The following RAB1A variants were observed in gnomAD, a reference collection of about 807,000 sequenced individuals.
The protein encoded by RAB1A is RAB1A, member RAS oncogene family.
A neutral mutation model predicts 26.0 loss-of-function variants in RAB1A; 2 were observed. The ratio of observed to expected loss-of-function variants is 0.08; its 90% CI spans 0.03 to 0.24. The LOEUF (loss-of-function observed/expected upper bound fraction) is 0.24, where lower values mean the gene tolerates loss of function less well. Among genes scored for constraint, RAB1A ranks in the 10% least tolerant of loss-of-function variants. The pLI is 1.00. For synonymous variants in RAB1A, 84 were observed against 84.9 expected, an observed-to-expected ratio of 0.99 and a Z score of 0.06; for missense variants, 100 against 247.0, an observed-to-expected ratio of 0.40 and a Z score of 3.99.
intron 1 of RAB1A, among the ~76,000 whole-genome samples, chr2:65,114,864 C>CCA (rs1669789243): frequency 6.8e-6 from 1 of 146,792 alleles, no homozygotes; most frequent in African/African-American, 2.6e-5. Flanking sequence ...AAAAAAAAAA[C>CCA]AAAAAAAAAA....
intron 1 of RAB1A, among the ~76,000 whole-genome samples, chr2:65,118,865 G>A (rs770437602): frequency 2.0e-5 from 3 of 152,142 alleles, no homozygotes; most frequent in South Asian, 2.1e-4. Flanking sequence ...CAACCACAAG[G>A]AAGATTTGGG....
At chr2:65,090,256 A>G (rs554405030) in intron 4 of RAB1A, among the ~76,000 whole-genome samples, 1 of 152,278 alleles carries the variant, frequency 6.6e-6, no homozygotes, top group African/African-American at 2.4e-5. Context: ...GTTATCTCCT[A>G]ATTAGCTATG....
At chr2:65,108,933 T>C (rs1473909412) in intron 1 of RAB1A, among the ~76,000 whole-genome samples, 1 of 152,188 alleles carries the variant, frequency 6.6e-6, no homozygotes, top group African/African-American at 2.4e-5. Context: ...CTACTGGTTC[T>C]CTCGCAAACC....
rs185671059 is a variant in RAB1A, at chr2:65,114,081, T to C, written c.24-9275A>G. The C allele has an allele frequency of 3.5e-4, 147 of 420,844 alleles. 3 individuals are homozygous for C. In the Middle Eastern group the frequency reaches 6.1e-3, roughly 17 times the overall value. 26.1% of individuals were successfully genotyped at this position (420,844 alleles called of 1,614,324 possible). On this transcript the variant is annotated intron_variant, in intron 1 of 5. Coordinates refer to ENST00000409784, the MANE Select transcript of RAB1A (RefSeq NM_004161.5). ...TAAGTAGGTAGAGTAGGTCAGGTTG[T>C]AAACAGACAGCAATGGCATACTCCC...
intron 1 of RAB1A, among the ~76,000 whole-genome samples, chr2:65,128,842 A>G (rs555586482): frequency 1.3e-5 from 2 of 152,328 alleles, no homozygotes; most frequent in East Asian, 3.9e-4. Context: ...ACTGTAGAGG[A>G]AATTTTTAAA....
chr2:65,091,910 G>T (rs1249217916), intron 3 of RAB1A, among the ~76,000 whole-genome samples: 2 of 152,192 alleles, frequency 1.3e-5, no homozygotes, highest in African/African-American at 2.4e-5. Flanking sequence ...ACAATTTACT[G>T]CACTTCAACC....
chr2:65,117,374 T>C (rs1669849913), intron 1 of RAB1A, among the ~76,000 whole-genome samples: 1 of 151,998 alleles, frequency 6.6e-6, no homozygotes, highest in South Asian at 2.1e-4. Context: ...AATTTTTAAA[T>C]TTTTTGCAGA....
At chr2:65,102,253 G>T (rs1669447906) in intron 2 of RAB1A, among the ~76,000 whole-genome samples, 1 of 152,012 alleles carries the variant, frequency 6.6e-6, no homozygotes, top group Non-Finnish European at 1.5e-5. Context: ...AAATTTAGCA[G>T]TGATTTCTTG....
chr2:65,088,483 G>C lies in RAB1A; in HGVS notation c.*10C>G, dbSNP rs751426005. Reference sequence around the variant, plus strand: ...AATTCATTGCTGTGAGAAAAGGATGGAGGCAAATTTTAGCAGCAACCTCCA... The same window carrying C: ...AATTCATTGCTGTGAGAAAAGGATGCAGGCAAATTTTAGCAGCAACCTCCA... On this transcript the variant is annotated 3_prime_UTR_variant, in exon 6 of 6. Coordinates refer to ENST00000409784, the MANE Select transcript of RAB1A (RefSeq NM_004161.5). 13 of 1,589,798 alleles carry C rather than the reference G, an allele frequency of 8.2e-6. No individual in the cohort carries two copies. The highest frequency in any genetic ancestry group is 9.4e-6 in the Non-Finnish European group (11 of 1,169,378).
At chr2:65,110,871 G>C (rs960081492) in intron 1 of RAB1A, among the ~76,000 whole-genome samples, 1 of 151,974 alleles carries the variant, frequency 6.6e-6, no homozygotes, top group Non-Finnish European at 1.5e-5. Flanking sequence ...AGGAGTTTGA[G>C]GCTGCAGTGA....
At chr2:65,116,374 C>T (rs1268747194) in intron 1 of RAB1A, among the ~76,000 whole-genome samples, 1 of 152,100 alleles carries the variant, frequency 6.6e-6, no homozygotes, top group Non-Finnish European at 1.5e-5. Flanking sequence ...GGGTTTGGAC[C>T]TGGAAGACCC....
intron 1 of RAB1A, among the ~76,000 whole-genome samples, chr2:65,128,392 T>A (rs572431254): frequency 5.9e-5 from 9 of 152,252 alleles, no homozygotes; most frequent in Admixed American, 2.6e-4. Flanking sequence ...CCAAGAAAAC[T>A]ACTAAATTAA....
At chr2:65,127,811 G>A (rs938812602) in intron 1 of RAB1A, among the ~76,000 whole-genome samples, 2 of 152,212 alleles carry the variant, frequency 1.3e-5, no homozygotes, top group East Asian at 3.9e-4. Flanking sequence ...TTGGTTCACT[G>A]CAAGCTCCAC....
intron 1 of RAB1A, among the ~76,000 whole-genome samples, chr2:65,119,841 C>CAAAAAA (rs1178958164): frequency 1.1e-3 from 39 of 36,414 alleles, no homozygotes; most frequent in African/African-American, 2.1e-3. Flanking sequence ...CCTGTCTCTA[C>CAAAAAA]AAAAAAAAAA....
rs59507384 is a variant in RAB1A at position 65,108,056 on chromosome 2, C to CAA, written c.24-3252_24-3251dup. Among the ~76,000 whole-genome samples the CAA allele has an allele frequency of 8.0e-3, 1,020 of 127,140 alleles. 11 individuals carry two copies. Among genetic ancestry groups the CAA allele is most frequent in the East Asian group, 0.031 (137 of 4,356 alleles). The allele number at this position is 127,140 out of a possible 152,430, so 83.4% of individuals were successfully genotyped here. ...TCCAGCACGGGCAAAAGAGGAGTCT[C>CAA]AAAAAAAAAAAAAAAATCAACAACT... On this transcript the variant is annotated intron_variant, in intron 1 of 5. Coordinates refer to ENST00000409784, the MANE Select transcript of RAB1A (RefSeq NM_004161.5).
chr2:65,093,322 C>A (rs985376967), intron 3 of RAB1A, among the ~76,000 whole-genome samples: 2 of 152,136 alleles, frequency 1.3e-5, no homozygotes, highest in Non-Finnish European at 2.9e-5. Flanking sequence ...TCTGTAACCT[C>A]CAAGTGCCTG....
Position 65,112,233 on chromosome 2 carries a change from C to T in RAB1A, c.24-7427G>A, listed in dbSNP as rs144403138. Among the ~76,000 whole-genome samples, 10 of 151,402 alleles carry T rather than the reference C, an allele frequency of 6.6e-5. No individual in the cohort carries two copies. The East Asian group carries it at 1.8e-3, about 27-fold the overall frequency. On this transcript the variant is annotated intron_variant, in intron 1 of 5. Transcript: ENST00000409784. ...TTATCTCAGCTCACTGCAACCTCCA[C>T]CTCCCCCGGGTTCAAGCGATTCACC...
chr2:65,120,455 C>CAAAAAA (rs67617654), intron 1 of RAB1A, among the ~76,000 whole-genome samples: 1 of 56,636 alleles, frequency 1.8e-5, no homozygotes, highest in Non-Finnish European at 3.8e-5. Context: ...CACCTTGTCT[C>CAAAAAA]AAAAAAAAAA....
chr2:65,095,814 C>G (rs1229740280), intron 3 of RAB1A, among the ~76,000 whole-genome samples: 7 of 151,658 alleles, frequency 4.6e-5, no homozygotes, highest in Non-Finnish European at 8.8e-5. Context: ...GAGTTTGAGA[C>G]CAGCCTGGCC....
Sources: allele counts gnomAD v4.1 joint callset (sites outside exome capture counted in the v4.1 genomes callset), GRCh38; gene constraint gnomAD v4.1.1; transcripts MANE v1.5; gene names NCBI Gene and HGNC (gene_info 2026-07-23, HGNC 2026-07-21).